The following CYP2C8 variants were observed in gnomAD, a reference collection of about 807,000 sequenced individuals.
The protein encoded by CYP2C8 is cytochrome P450 2C8.
A neutral mutation model predicts 41.3 loss-of-function variants in CYP2C8; 51 were observed. That is an observed-to-expected ratio of 1.24 (90% CI 0.99 to 1.56). The LOEUF is 1.56. Among genes scored for constraint, CYP2C8 ranks in the 40% most tolerant of loss-of-function variants. The pLI, the probability that CYP2C8 is intolerant of heterozygous loss-of-function variation, is 0.00. For missense variants in CYP2C8, 651 were observed against 579.9 expected, an observed-to-expected ratio of 1.12 and a Z score of -1.26; for synonymous variants, 218 against 205.8, an observed-to-expected ratio of 1.06 and a Z score of -0.51.
At chr10:95,059,087 A>G (rs755815918) in intron 4 of CYP2C8, among the ~76,000 whole-genome samples, 1 of 152,226 alleles carries the variant, frequency 6.6e-6, no homozygotes, top group Non-Finnish European at 1.5e-5. Context: ...TATTGTGAAT[A>G]GTGCCACAAT....
chr10:95,064,910 T>C lies in CYP2C8; in HGVS notation c.532A>G (p.Ile178Val). 6.2e-7 allele frequency: 1 copy of C among 1,613,314 alleles called. No individual in the cohort carries two copies. Among genetic ancestry groups the C allele is most frequent in the Non-Finnish European group, 8.5e-7 (1 of 1,179,976 alleles). The change falls in exon 4 of 9, where the codon ATC (isoleucine) becomes GTC (valine). Residue 178 changes from isoleucine (I) to valine (V), a missense_variant. By Grantham distance (29) the Ile-to-Val change is conservative. Coordinates refer to ENST00000371270, the MANE Select transcript of CYP2C8 (RefSeq NM_000770.3). Reference sequence around the variant, plus strand: ...CGTTTCTGGAAAACAACGGAGCAGATCACATTGCAGGGAGCACAGCCCAGG... The same window carrying C: ...CGTTTCTGGAAAACAACGGAGCAGACCACATTGCAGGGAGCACAGCCCAGG... ...FILGCAPCNV[I>V]CSVVFQKRFD...
intron 5 of CYP2C8, among the ~76,000 whole-genome samples, chr10:95,046,529 C>G (rs11572153): frequency 0.012 from 1,892 of 152,224 alleles, 56 homozygotes; most frequent in African/African-American, 0.044. Context: ...CACTGATGAC[C>G]TAGTCATGTT....
In CYP2C8 at chr10:95,045,934, C is replaced by T. The variant is rs1424668693; in HGVS notation, c.837G>A (p.Lys279=). 2 of 1,613,910 alleles carry T rather than the reference C, an allele frequency of 1.2e-6. No individual in the cohort carries two copies. Among genetic ancestry groups the T allele is most frequent in the Admixed American group, 1.7e-5 (1 of 59,982 alleles). The change falls in exon 6 of 9, where the codon AAG becomes AAA. Residue 279 remains lysine, a synonymous_variant. Transcript: ENST00000371270. ...CCAAGTTTTCAATATTGAATTCTGA[C>T]TTTTGGTTGTCCTTTTCCTAGAAGT... The part of the protein sequence containing the change: ...IKMEQEKDNQ[K]SEFNIENLVG...
In CYP2C8 at chr10:95,064,905, GC is replaced by G. The variant is rs1379964203; in HGVS notation, c.536del (p.Cys179SerfsTer19). ...CAAATCGTTTCTGGAAAACAACGGA[GC>G]AGATCACATTGCAGGGAGCACAGCC... ...ILGCAPCNVICSVVFQKRFDY... is the reference protein window; with the variant it reads ...ILGCAPCNVIXSVVFQKRFDY... On this transcript the variant is annotated frameshift_variant, in exon 4 of 9. Transcript: ENST00000371270. LOFTEE classifies it high-confidence loss of function. 1.2e-6 allele frequency: 2 copies of G among 1,613,482 alleles called. No individual in the cohort carries two copies. Among genetic ancestry groups the G allele is most frequent in the South Asian group, 2.2e-5 (2 of 91,040 alleles).
chr10:95,067,821 G>C (rs1435104763), intron 1 of CYP2C8, 130 bp from the exon 2 acceptor site: 1 of 1,017,970 alleles, frequency 9.8e-7, no homozygotes, highest in Non-Finnish European at 1.5e-6. Context: ...CGATATTTCT[G>C]AATTTTGTAC....
At chr10:95,054,364 T>C (rs1426965653) in intron 5 of CYP2C8, among the ~76,000 whole-genome samples, 1 of 152,054 alleles carries the variant, frequency 6.6e-6, no homozygotes, top group African/African-American at 2.4e-5. Context: ...TTCAATACTT[T>C]TCCTGATAAA....
chr10:95,050,876 A>C (rs2033201545), intron 5 of CYP2C8, among the ~76,000 whole-genome samples: 1 of 66,692 alleles, frequency 1.5e-5, no homozygotes, highest in Non-Finnish European at 4.2e-5. Flanking sequence ...GGATGTGTAC[A>C]AAAAAAACCC....
At chr10:95,054,115 T>G (rs12248855) in intron 5 of CYP2C8, among the ~76,000 whole-genome samples, 7,029 of 152,134 alleles carry the variant, frequency 0.046, 512 homozygotes, top group African/African-American at 0.15. Flanking sequence ...GCATCGTTCT[T>G]AAGGTCCCAG....
intron 1 of CYP2C8, chr10:95,068,554 G>C: frequency 7.9e-7 from 1 of 1,264,654 alleles, no homozygotes; most frequent in African/African-American, 1.5e-5. Context: ...GACTACTATA[G>C]TAGAGAACTT....
At chr10:95,066,161 T>A (rs879294243) in intron 3 of CYP2C8, among the ~76,000 whole-genome samples, 12,141 of 98,958 alleles carry the variant, frequency 0.12, 483 homozygotes, top group East Asian at 0.23. Context: ...AGAGTGTGTG[T>A]GTGTGTGTGT....
chr10:95,067,252 T>C lies in CYP2C8; in HGVS notation c.437A>G (p.Gln146Arg), dbSNP rs1589449263. 4.3e-6 allele frequency: 7 copies of C among 1,614,204 alleles called. No homozygotes were observed. In the East Asian group the frequency reaches 1.3e-4, roughly 31 times the overall value. ...MGKRSIEDRV[Q>R]EEAHCLVEEL... is the part of the protein sequence containing the mutation. ...CTCCACAAGGCAGTGAGCTTCCTCT[T>C]GAACACGGTCCTCAATGCTCCTCTT... Residue 146 changes from glutamine (Q) to arginine (R), a missense_variant, in exon 3 of 9, where the codon CAA becomes CGA. By Grantham distance (43) the Gln-to-Arg change is conservative. Coordinates refer to ENST00000371270, the MANE Select transcript of CYP2C8 (RefSeq NM_000770.3).
At position 95,058,593 on chromosome 10, in the gene CYP2C8, A is replaced by G; in HGVS notation, c.643-82T>C. 6 of 1,218,764 alleles carry G rather than the reference A, an allele frequency of 4.9e-6. No individual in the cohort carries two copies. In the South Asian group the frequency reaches 8.3e-5, roughly 17 times the overall value. The allele number at this position is 1,218,764 out of a possible 1,614,324, so 75.5% of individuals were successfully genotyped here. ...CCAAGCCCTGATTGAAATTATAACT[A>G]TAAATATGAATAAGACATCATGTCC... On this transcript the variant is annotated intron_variant, in intron 4 of 8. Transcript: ENST00000371270.
In CYP2C8 at chr10:95,058,331, T is replaced by G; in HGVS notation, c.819+4A>C. 1.9e-6 allele frequency: 3 copies of G among 1,612,836 alleles called. No homozygotes were observed. The highest frequency in any genetic ancestry group is 2.5e-6 in the Non-Finnish European group (3 of 1,179,394). The stretch of plus-strand genomic sequence containing the variant: ...AAAATACTGATCTGTTGCTAATATC[T>G]TACCTGCTCCATTTTGATCAGGAAG... On this transcript the variant is annotated splice_donor_region_variant and intron_variant, in intron 5 of 8. Transcript: ENST00000371270.
intron 3 of CYP2C8, among the ~76,000 whole-genome samples, chr10:95,065,542 A>C (rs1054198659): frequency 6.6e-6 from 1 of 152,240 alleles, no homozygotes; most frequent in Non-Finnish European, 1.5e-5. Context: ...TAAATAAGTA[A>C]AATGCTAACT....
In CYP2C8 at chr10:95,058,434, T is replaced by C; in HGVS notation, c.720A>G (p.Thr240=). 1 of 1,613,502 alleles carries C rather than the reference T, an allele frequency of 6.2e-7. No homozygotes were observed. The highest frequency in any genetic ancestry group is 8.5e-7 in the Non-Finnish European group (1 of 1,179,692). The change falls in exon 5 of 9, where the codon ACA becomes ACG. Residue 240 remains threonine, a synonymous_variant. Transcript: ENST00000371270. ...TTACTTTCTCCCTAATGTAACTTCG[T>C]GTAAGAGCAACATTTTTAAGCACTT... ...HNKVLKNVAL[T]RSYIREKVKE... is the part of the protein sequence containing the mutation.
intron 3 of CYP2C8, among the ~76,000 whole-genome samples, chr10:95,066,676 T>C (rs564764649): frequency 6.6e-6 from 1 of 152,266 alleles, no homozygotes; most frequent in South Asian, 2.1e-4. Flanking sequence ...ATACATAGTG[T>C]CATTGCTGGC....
chr10:95,039,300 C>T (rs2032950805), intron 7 of CYP2C8: 2 of 453,444 alleles, frequency 4.4e-6, no homozygotes, highest in Non-Finnish European at 4.0e-6. Context: ...TTTGGATGCC[C>T]TTTTCTGGCC....
rs766703463 is a variant in CYP2C8 at position 95,065,365 on chromosome 10, G to T, written c.482-405C>A. The stretch of plus-strand genomic sequence containing the variant: ...AGAGAAAAGTTGGGGACCTAGAAAT[G>T]TCATATAGCTGAAAGTATAATGTGC... On this transcript the variant is annotated intron_variant, in intron 3 of 8. Coordinates refer to ENST00000371270, the MANE Select transcript of CYP2C8 (RefSeq NM_000770.3). Among the ~76,000 whole-genome samples the T allele has an allele frequency of 1.1e-4, 16 of 152,300 alleles. No homozygotes were observed. The South Asian group carries it at 1.2e-3, about 12-fold the overall frequency.
At chr10:95,063,713 C>T (rs946662776) in intron 4 of CYP2C8, among the ~76,000 whole-genome samples, 1 of 152,202 alleles carries the variant, frequency 6.6e-6, no homozygotes, top group Non-Finnish European at 1.5e-5. Context: ...AGGAGAGGCA[C>T]TCTGATTTTT....
Sources: gnomAD v4.1 joint callset for allele counts (sites outside exome capture counted in the v4.1 genomes callset) on GRCh38, gnomAD v4.1.1 for gene constraint, MANE v1.5 for transcripts, NCBI Gene and HGNC (gene_info 2026-07-23, HGNC 2026-07-21) for gene names.